FAT1: variants seen among roughly 807,000 people sequenced by gnomAD.
The protein encoded by FAT1 is FAT atypical cadherin 1, also known as protocadherin Fat 1.
In FAT1, 171 loss-of-function variants were observed where a neutral mutation model predicts 329.8. The ratio of observed to expected loss-of-function variants is 0.52; its 90% confidence interval spans 0.46 to 0.59. The LOEUF (loss-of-function observed/expected upper bound fraction) is 0.59. Ranked by LOEUF, FAT1 falls within the 20% of genes least tolerant of loss-of-function variation. FAT1 has a pLI of 0.00. For missense variants in FAT1, 5,672 were observed against 5,774.4 expected, an observed-to-expected ratio of 0.98 and a Z score of 0.57; for synonymous variants, 2,233 against 2,228.6, an observed-to-expected ratio of 1.00 and a Z score of -0.06.
intron 17 of FAT1, 69 bp from the exon 18 acceptor site, chr4:186,604,643 C>A (rs2126440824): frequency 1.0e-6 from 1 of 975,956 alleles, no homozygotes; most frequent in East Asian, 2.6e-5. Flanking sequence ...GGGACAGACA[C>A]ATGAGTTTTC....
chr4:186,657,312 C>A (rs561165319), intron 3 of FAT1, among the ~76,000 whole-genome samples: 1 of 152,230 alleles, frequency 6.6e-6, no homozygotes, highest in East Asian at 1.9e-4. Flanking sequence ...TGAAAAGAAA[C>A]GTAGTCTTGA....
chr4:186,616,936 G>C, intron 11 of FAT1, 69 bp downstream of exon 11: 1 of 1,382,344 alleles, frequency 7.2e-7, no homozygotes, highest in Non-Finnish European at 1.0e-6. Context: ...AGCGCCAAAT[G>C]ATGGTCCCAT....
Position 186,708,183 on chromosome 4 carries a change from G to T in FAT1, c.1645C>A (p.Arg549=), listed in dbSNP as rs376582889. The T allele has an allele frequency of 6.2e-7, 1 of 1,613,984 alleles. No homozygotes were observed. The highest frequency in any genetic ancestry group is 2.2e-5 in the East Asian group (1 of 44,886). ...RASDWGLPYR[R]EVEVLATITL... ...ATTGTAGCAAGGACTTCGACTTCCC[G>T]GCGGTACGGCAAGCCCCAGTCTGAT... is the stretch of plus-strand genomic sequence containing the variant. Residue 549 remains arginine (R), a synonymous_variant, in exon 2 of 27, where the codon CGG becomes AGG. Coordinates refer to ENST00000441802, the MANE Select transcript of FAT1 (RefSeq NM_005245.4).
In FAT1 at chr4:186,708,815, G is replaced by C. The variant is rs1744787665; in HGVS notation, c.1013C>G (p.Ala338Gly). 1 of 1,613,808 alleles carries C rather than the reference G, an allele frequency of 6.2e-7. No homozygotes were observed. Among genetic ancestry groups the C allele is most frequent in the African/African-American group, 1.3e-5 (1 of 74,902 alleles). Residue 338 changes from alanine to glycine, a missense_variant, in exon 2 of 27, where the codon GCT becomes GGT. By Grantham distance (60) the Ala-to-Gly change is moderately conservative. Transcript: ENST00000441802. ...HPFGYNLTLQ[A>G]KDKGTPPQFS... ...CTGGGGCGGAGTTCCTTTATCTTTA[G>C]CCTGTAGTGTGAGATTGTAGCCGAA...
chr4:186,614,120 G>T, intron 12 of FAT1, 71 bp downstream of exon 12: 1 of 1,322,156 alleles, frequency 7.6e-7, no homozygotes, highest in South Asian at 1.5e-5. Flanking sequence ...TTTTGTGTGT[G>T]ATCTAAAATC....
chr4:186,646,841 A>C (rs543750845), intron 3 of FAT1, among the ~76,000 whole-genome samples: 5 of 152,302 alleles, frequency 3.3e-5, no homozygotes, highest in Non-Finnish European at 7.3e-5. Flanking sequence ...CGGGCGACGA[A>C]GAGGCCTGCT....
intron 2 of FAT1, among the ~76,000 whole-genome samples, chr4:186,672,972 A>G (rs1023338146): frequency 1.3e-5 from 2 of 152,200 alleles, no homozygotes; most frequent in African/African-American, 4.8e-5. Context: ...GGGAAAAGGA[A>G]TGGACTTATT....
chr4:186,713,756 C>G (rs1240594262), intron 1 of FAT1, among the ~76,000 whole-genome samples: 1 of 152,172 alleles, frequency 6.6e-6, no homozygotes, highest in Non-Finnish European at 1.5e-5. Flanking sequence ...TTCCGGGCCC[C>G]CGTCTCAGCC....
chr4:186,708,280 A>G lies in FAT1; in HGVS notation c.1548T>C (p.Thr516=), dbSNP rs1020392885. 6.2e-7 allele frequency: 1 copy of G among 1,613,998 alleles called. No homozygotes were observed. The highest frequency in any genetic ancestry group is 2.2e-5 in the East Asian group (1 of 44,874). Residue 516 remains threonine (T), a synonymous_variant, in exon 2 of 27, where the codon ACT becomes ACC. Transcript: ENST00000441802. ...NHVPFAIDHF[T]GAVSTSENLD... is the part of the protein sequence containing the mutation. ...GGTTTTCTGACGTACTCACGGCACC[A>G]GTGAAATGGTCAATCGCAAACGGCA...
At chr4:186,684,906 T>C (rs76253588) in intron 2 of FAT1, among the ~76,000 whole-genome samples, 3,728 of 152,296 alleles carry the variant, frequency 0.024, 179 homozygotes, top group African/African-American at 0.086. Context: ...TTTCGGCAAC[T>C]CCTTTTATGC....
chr4:186,697,850 G>A (rs1009206950), intron 2 of FAT1, among the ~76,000 whole-genome samples: 1 of 152,154 alleles, frequency 6.6e-6, no homozygotes, highest in Non-Finnish European at 1.5e-5. Flanking sequence ...CCAGAACAGA[G>A]GATCTCAAAA....
chr4:186,616,397 C>G (rs1040636152), intron 11 of FAT1, among the ~76,000 whole-genome samples: 4 of 152,062 alleles, frequency 2.6e-5, no homozygotes, highest in African/African-American at 9.7e-5. Flanking sequence ...CATGGCCCCT[C>G]CCCACCCACT....
intron 1 of FAT1, among the ~76,000 whole-genome samples, chr4:186,711,933 C>T (rs886828399): frequency 2.0e-5 from 3 of 152,122 alleles, no homozygotes; most frequent in African/African-American, 7.2e-5. Context: ...AACAAAAAAA[C>T]AAAACCAGAA....
Position 186,603,361 on chromosome 4 carries a change from A to G in FAT1, c.11165T>C (p.Ile3722Thr), listed in dbSNP as rs370582269. 81 of 1,613,858 alleles carry G rather than the reference A, an allele frequency of 5.0e-5. No individual in the cohort carries two copies. The highest frequency in any genetic ancestry group is 6.4e-5 in the Non-Finnish European group (76 of 1,179,896). The part of the protein sequence containing the change: ...LHKINSSVTD[I>T]EEIIGVRILN... ...TATCCTAACTCCAATGATTTCCTCA[A>G]TGTCAGTCACGGAAGAGTTAATCTT... Residue 3722 changes from isoleucine to threonine, a missense_variant, in exon 19 of 27, where the codon ATT becomes ACT. Physicochemically the swap from Ile to Thr is moderately conservative, Grantham distance 89. Coordinates refer to ENST00000441802, the MANE Select transcript of FAT1 (RefSeq NM_005245.4).
intron 10 of FAT1, 80 bp from the exon 11 acceptor site, chr4:186,617,281 A>G (rs1490390415): frequency 2.1e-6 from 2 of 964,222 alleles, no homozygotes; most frequent in African/African-American, 3.3e-5. Flanking sequence ...AAACTGTACA[A>G]AAGATGTATA....
At chr4:186,627,588 C>T (rs1478791552) in intron 9 of FAT1, among the ~76,000 whole-genome samples, 1 of 152,126 alleles carries the variant, frequency 6.6e-6, no homozygotes, top group Non-Finnish European at 1.5e-5. Context: ...GGGGTCTAGT[C>T]CTCAACCCAA....
rs144559968 is a variant in FAT1 at position 186,623,895 on chromosome 4, T to G, written c.4811-2120A>C. 4.0e-4 allele frequency among the ~76,000 whole-genome samples: 61 copies of G among 152,362 alleles called. 1 individual carries two copies. The highest frequency in any genetic ancestry group is 1.4e-3 in the African/African-American group (57 of 41,592). On this transcript the variant is annotated intron_variant, in intron 9 of 26. Transcript: ENST00000441802. Reference sequence around the variant, plus strand: ...TCTATTATCTGGGGCATCATGACTCTGGTGAACACAGCTTGGAGCATGTCA... The same window carrying G: ...TCTATTATCTGGGGCATCATGACTCGGGTGAACACAGCTTGGAGCATGTCA...
At chr4:186,635,412 G>T (rs1362382183) in intron 6 of FAT1, among the ~76,000 whole-genome samples, 2 of 152,140 alleles carry the variant, frequency 1.3e-5, no homozygotes, top group Non-Finnish European at 2.9e-5. Context: ...CAAATAAGAA[G>T]AAGAAATGGC....
At chr4:186,723,025 G>A (rs569628897) in intron 1 of FAT1, among the ~76,000 whole-genome samples, 2 of 152,178 alleles carry the variant, frequency 1.3e-5, no homozygotes, top group Admixed American at 1.3e-4. Context: ...ACAGCAGAAA[G>A]CTGGCTCTCT....
Sources: gnomAD v4.1 joint callset for allele counts (sites outside exome capture counted in the v4.1 genomes callset) on GRCh38, gnomAD v4.1.1 for gene constraint, MANE v1.5 for transcripts, NCBI Gene and HGNC (gene_info 2026-07-23, HGNC 2026-07-21) for gene names.